The following EXOC4 variants were observed in gnomAD, a reference collection of about 807,000 sequenced individuals.
EXOC4 encodes the protein exocyst complex component 4, also known as SEC8-like 1.
A neutral mutation model predicts 107.2 loss-of-function variants in EXOC4; 71 were observed. That is an observed-to-expected ratio of 0.66 (90% CI 0.55 to 0.81). The LOEUF is 0.81. EXOC4 is among the 30% of genes least tolerant of loss of function. The pLI is 0.00. For missense variants in EXOC4, 1,108 were observed against 1,189.6 expected (o/e 0.93, Z 1.01); for synonymous variants, 456 against 441.2 (o/e 1.03, Z -0.42).
In EXOC4 at chr7:133,751,532, GTT is replaced by G. The variant is rs1198345688; in HGVS notation, c.1515-65790_1515-65789del. Among the ~76,000 whole-genome samples, 3 of 152,078 alleles carry G rather than the reference GTT, an allele frequency of 2.0e-5. No individual in the cohort carries two copies. The East Asian group carries it at 5.8e-4, about 29-fold the overall frequency. On this transcript the variant is annotated intron_variant, in intron 10 of 17. Coordinates refer to ENST00000253861, the MANE Select transcript of EXOC4 (RefSeq NM_021807.4). ...TTTTCTTTTCATTCAAGTTTAATTG[GTT>G]TTCATGGACTGAATTGAAGCAGGAA...
intron 9 of EXOC4, among the ~76,000 whole-genome samples, chr7:133,549,478 T>C (rs1171310434): frequency 6.6e-6 from 1 of 152,102 alleles, no homozygotes; most frequent in Non-Finnish European, 1.5e-5. Flanking sequence ...ACACATGCAT[T>C]GATTAAGTTT....
At chr7:133,931,644 A>G (rs1161454412) in intron 13 of EXOC4, among the ~76,000 whole-genome samples, 2 of 152,326 alleles carry the variant, frequency 1.3e-5, no homozygotes, top group South Asian at 2.1e-4. Context: ...AGCTGAGTCA[A>G]ATAGGAACAG....
intron 11 of EXOC4, among the ~76,000 whole-genome samples, chr7:133,863,858 G>C (rs1161306259): frequency 1.3e-5 from 2 of 152,120 alleles, no homozygotes; most frequent in East Asian, 1.9e-4. Context: ...ACAATCTACT[G>C]ACCAAATAGA....
intron 9 of EXOC4, among the ~76,000 whole-genome samples, chr7:133,553,335 G>A (rs888902592): frequency 3.9e-5 from 6 of 151,992 alleles, no homozygotes; most frequent in Admixed American, 2.6e-4. Context: ...AATCAATTCC[G>A]TCTCTTGCTT....
At chr7:133,971,343 TATATATATATATATATATAGAG>T (rs1380784505) in intron 14 of EXOC4, among the ~76,000 whole-genome samples, 16 of 92,066 alleles carry the variant, frequency 1.7e-4, no homozygotes, top group African/African-American at 7.2e-4. Context: ...TGTATATATA[TATATATATATATATATATAGAG>T]AGAGAGAGAG....
At chr7:133,468,012 A>G (rs573152013) in intron 7 of EXOC4, among the ~76,000 whole-genome samples, 1 of 152,284 alleles carries the variant, frequency 6.6e-6, no homozygotes, top group East Asian at 1.9e-4. Flanking sequence ...ATCTAGCACA[A>G]TACTTTGCAT....
At chr7:133,307,096 C>A (rs1050482007) in intron 4 of EXOC4, among the ~76,000 whole-genome samples, 35 of 152,144 alleles carry the variant, frequency 2.3e-4, no homozygotes, top group Admixed American at 6.5e-4. Context: ...CAGATATAGA[C>A]AAGAAGAGCA....
At chr7:133,771,165 G>A (rs2151162570) in intron 10 of EXOC4, 1 of 152,066 alleles carries the variant, frequency 6.6e-6, no homozygotes, top group South Asian at 2.1e-4. Flanking sequence ...ATACATGGAA[G>A]ACAGGACTGG....
At chr7:133,773,418 C>T (rs985415035) in intron 10 of EXOC4, among the ~76,000 whole-genome samples, 9 of 151,712 alleles carry the variant, frequency 5.9e-5, no homozygotes, top group Non-Finnish European at 1.2e-4. Context: ...ACCTTTAGTA[C>T]AAGAAGTGTG....
chr7:133,536,942 C>T (rs960538686), intron 9 of EXOC4, among the ~76,000 whole-genome samples: 9 of 152,084 alleles, frequency 5.9e-5, no homozygotes, highest in Admixed American at 1.3e-4. Context: ...AGATTTGATT[C>T]GCCAGAACTG....
the EXOC4 span, among the ~76,000 whole-genome samples, chr7:134,079,756 T>C: frequency 2.0e-5 from 3 of 152,240 alleles, no homozygotes; most frequent in Non-Finnish European, 2.9e-5. Context: ...ACTTTCCTAG[T>C]TGTGGGCATG....
In EXOC4 at chr7:133,773,464, T is replaced by TTTATTATTATTATTATTA. The variant is rs141227227; in HGVS notation, c.1515-43849_1515-43832dup. Among the ~76,000 whole-genome samples the TTTATTATTATTATTATTA allele has an allele frequency of 3.6e-3, 532 of 149,294 alleles. 3 individuals carry two copies. The highest frequency in any genetic ancestry group is 0.013 in the African/African-American group (507 of 40,460). On this transcript the variant is annotated intron_variant, in intron 10 of 17. Transcript: ENST00000253861. ...TGTTAATCTGTGTATTTACTAGGTTTTTATTATTATTATTATTATTATTAT... is the reference window on the plus strand; with the variant it reads ...TGTTAATCTGTGTATTTACTAGGTTTTTATTATTATTATTATTATTATTATTATTATTATTATTATTAT...
At chr7:133,808,999 C>A (rs993751484) in intron 10 of EXOC4, among the ~76,000 whole-genome samples, 3 of 125,234 alleles carry the variant, frequency 2.4e-5, no homozygotes, top group African/African-American at 8.3e-5. Context: ...TTTCAGTTTG[C>A]TGGATTTAGG....
At chr7:133,513,919 G>A (rs1799821403) in intron 9 of EXOC4, among the ~76,000 whole-genome samples, 2 of 152,126 alleles carry the variant, frequency 1.3e-5, no homozygotes, top group South Asian at 4.1e-4. Context: ...TTGGACAGAG[G>A]AGAAAATTGG....
intron 10 of EXOC4, among the ~76,000 whole-genome samples, chr7:133,703,685 C>A (rs928164644): frequency 2.6e-5 from 4 of 152,232 alleles, no homozygotes; most frequent in Non-Finnish European, 4.4e-5. Flanking sequence ...TACGCTTATG[C>A]ATGCCTACTG....
intron 9 of EXOC4, among the ~76,000 whole-genome samples, chr7:133,621,868 T>C (rs1323999763): frequency 1.3e-5 from 2 of 152,174 alleles, no homozygotes; most frequent in African/African-American, 4.8e-5. Flanking sequence ...CAAGACGTTG[T>C]TTGGGTCTTG....
intron 11 of EXOC4, among the ~76,000 whole-genome samples, chr7:133,828,664 G>C (rs762824879): frequency 2.6e-5 from 4 of 152,214 alleles, no homozygotes; most frequent in Middle Eastern, 3.4e-3. Context: ...CTTAATCTTA[G>C]CATAGACAAT....
At chr7:133,469,213 C>G (rs1296864713) in intron 7 of EXOC4, among the ~76,000 whole-genome samples, 1 of 152,036 alleles carries the variant, frequency 6.6e-6, no homozygotes, top group Non-Finnish European at 1.5e-5. Context: ...GTCAGGAGAT[C>G]GAGACCATCC....
chr7:133,842,431 G>A (rs991335618), intron 11 of EXOC4, among the ~76,000 whole-genome samples: 8 of 152,016 alleles, frequency 5.3e-5, no homozygotes, highest in African/African-American at 1.9e-4. Flanking sequence ...TATGCTTCTT[G>A]GCCACATGTA....
Sources: allele counts gnomAD v4.1 joint callset (sites outside exome capture counted in the v4.1 genomes callset), GRCh38; gene constraint gnomAD v4.1.1; transcripts MANE v1.5; gene names NCBI Gene and HGNC (gene_info 2026-07-23, HGNC 2026-07-21).